Variants in BAHCC1 observed in about 807,000 individuals in gnomAD.
BAHCC1 encodes the protein BAH and coiled-coil domain-containing protein 1.
A neutral mutation model predicts 88.2 loss-of-function variants in BAHCC1; 43 were observed. The observed-to-expected ratio is 0.49, with a 90% confidence interval of 0.38 to 0.63. The LOEUF is 0.63. BAHCC1 is among the 20% of genes least tolerant of loss of function. The pLI is 0.00. For missense variants in BAHCC1, 3,023 were observed against 1,654.8 expected (o/e 1.83, Z -14.34); for synonymous variants, 1,510 against 745.5 (o/e 2.03, Z -16.71).
chr17:81,460,304 T>C lies in BAHCC1; in HGVS notation c.5933T>C (p.Leu1978Pro), dbSNP rs1555658734. Residue 1978 changes from leucine (L) to proline (P), a missense_variant, in exon 24 of 28, where the codon CTG becomes CCG. By Grantham distance (98) the Leu-to-Pro change is moderately conservative. Coordinates refer to ENST00000675386, the MANE Select transcript of BAHCC1 (RefSeq NM_001377448.1). ...GCCTCCGGTGACGAAGATGAGGACC[T>C]GGACTCAGTAGTGGTGGAATTTGAC... ...RGASGDEDED[L>P]DSVVVEFDDG... 2 of 775,908 alleles carry C rather than the reference T, an allele frequency of 2.6e-6. No homozygotes were observed. The highest frequency in any genetic ancestry group is 2.4e-5 in the East Asian group (1 of 41,086). 48.1% of individuals were successfully genotyped at this position (775,908 alleles called of 1,614,324 possible). A position where few individuals can be genotyped will look rare whatever the true frequency, so the allele number is the denominator to read the frequency against.
At chr17:81,427,653 C>T (rs1272707327) in intron 3 of BAHCC1, among the ~76,000 whole-genome samples, 3 of 152,350 alleles carry the variant, frequency 2.0e-5, no homozygotes, top group Admixed American at 2.0e-4. Context: ...CCTGGGCCCC[C>T]ATGTCCTTGG....
rs1033684900 is a variant in BAHCC1 at position 81,414,653 on chromosome 17, G to T, written c.179-12147G>T. On this transcript the variant is annotated intron_variant, in intron 2 of 27. Transcript: ENST00000675386. ...AGATGAACGTGTGTGTCGTGAGGAC[G>T]TGGGTCCGTGCGGCAGGAGCGCTGG... Among the ~76,000 whole-genome samples, 4 of 152,224 alleles carry T rather than the reference G, an allele frequency of 2.6e-5. No individual in the cohort carries two copies. In the South Asian group the frequency reaches 8.3e-4, roughly 31 times the overall value.
intron 1 of BAHCC1, among the ~76,000 whole-genome samples, chr17:81,397,328 C>T (rs1223305743): frequency 6.6e-6 from 1 of 151,784 alleles, no homozygotes; most frequent in Non-Finnish European, 1.5e-5. Context: ...TGCTTCGTAG[C>T]CGAGCCCGCG....
At chr17:81,418,985 T>A (rs1252832941) in intron 2 of BAHCC1, among the ~76,000 whole-genome samples, 1 of 152,096 alleles carries the variant, frequency 6.6e-6, no homozygotes, top group Admixed American at 6.5e-5. Context: ...TGTGCAAGTG[T>A]GAGTGTGTGC....
intron 2 of BAHCC1, among the ~76,000 whole-genome samples, chr17:81,416,444 G>C (rs1224401474): frequency 1.2e-4 from 1 of 8,396 alleles, no homozygotes; most frequent in Non-Finnish European, 2.9e-4. Flanking sequence ...ATGTGCGTGT[G>C]TGTGTGTCCA....
At position 81,399,993 on chromosome 17, in the gene BAHCC1, G is replaced by A; in HGVS notation, c.178+76G>A. 1 of 1,181,528 alleles carries A rather than the reference G, an allele frequency of 8.5e-7. No individual in the cohort carries two copies. The highest frequency in any genetic ancestry group is 1.1e-6 in the Non-Finnish European group (1 of 930,252). 73.2% of individuals were successfully genotyped at this position (1,181,528 alleles called of 1,614,324 possible). A position where few individuals can be genotyped will look rare whatever the true frequency, so the allele number is the denominator to read the frequency against. On this transcript the variant is annotated intron_variant, in intron 2 of 27. Transcript: ENST00000675386. The surrounding 1 kb of genome is among the most constrained non-coding windows in gnomAD (Gnocchi z 4.5). ...CAGGGCGCCCACCCCTCCGCTCCCG[G>A]GAGCAGAGAAGCTTTGGTTTCATTT...
rs544271459 is a variant in BAHCC1 at position 81,464,550 on chromosome 17, G to A, written c.*733G>A. On this transcript the variant is annotated 3_prime_UTR_variant, in exon 28 of 28. Coordinates refer to ENST00000675386, the MANE Select transcript of BAHCC1 (RefSeq NM_001377448.1). ...CTCCTAGAAAAGAAGTGTTGGAGCA[G>A]GGGGTGGTGATGAGGGGCCCGTGGG... The A allele has an allele frequency of 1.2e-4, 19 of 153,158 alleles. 1 individual carries two copies. Among genetic ancestry groups the A allele is most frequent in the Admixed American group, 1.2e-3 (19 of 15,406 alleles). 9.5% of individuals were successfully genotyped at this position (153,158 alleles called of 1,614,324 possible).
intron 2 of BAHCC1, among the ~76,000 whole-genome samples, chr17:81,421,255 G>A (rs180868209): frequency 6.6e-6 from 1 of 152,352 alleles, no homozygotes; most frequent in Non-Finnish European, 1.5e-5. Context: ...GGCCCACACG[G>A]TCTGGCCCTG....
chr17:81,451,997 C>T lies in BAHCC1; in HGVS notation c.4206C>T (p.Asp1402=). 1.6e-6 allele frequency: 1 copy of T among 633,946 alleles called. No homozygotes were observed. Among genetic ancestry groups the T allele is most frequent in the African/African-American group, 1.8e-5 (1 of 54,114 alleles). The allele number at this position is 633,946 out of a possible 1,614,324, so 39.3% of individuals were successfully genotyped here. The change falls in exon 13 of 28, where the codon GAC becomes GAT. Residue 1402 remains aspartate, a synonymous_variant. Transcript: ENST00000675386. The part of the protein sequence containing the change: ...KPVCPLKAAI[D]RLDTQEVGMR... ...TGTGCCCCCTGAAGGCCGCCATCGA[C>T]CGGCTGGACACGCAGGAGGTGGGGA...
Position 81,444,495 on chromosome 17 carries a change from C to T in BAHCC1, c.2439C>T (p.Pro813=), listed in dbSNP as rs1555653714. The change falls in exon 7 of 28, where the codon CCC becomes CCT. Residue 813 remains proline (P), a synonymous_variant. Coordinates refer to ENST00000675386, the MANE Select transcript of BAHCC1 (RefSeq NM_001377448.1). ...QSGQLGGDPA[P]HTHPHPPWLP... Reference sequence around the variant, plus strand: ...GCCAGCTGGGCGGGGACCCAGCCCCCCACACCCACCCCCATCCCCCCTGGC... The same window carrying T: ...GCCAGCTGGGCGGGGACCCAGCCCCTCACACCCACCCCCATCCCCCCTGGC... 3 of 705,490 alleles carry T rather than the reference C, an allele frequency of 4.3e-6. No individual in the cohort carries two copies. The highest frequency in any genetic ancestry group is 3.0e-5 in the South Asian group (2 of 66,764). The allele number at this position is 705,490 out of a possible 1,614,324, so 43.7% of individuals were successfully genotyped here.
chr17:81,429,537 CAG>C (rs1314108583), intron 3 of BAHCC1, among the ~76,000 whole-genome samples: 1 of 152,166 alleles, frequency 6.6e-6, no homozygotes, highest in Non-Finnish European at 1.5e-5. Context: ...GCTAGTTTGA[CAG>C]GGTGCCAGCT....
chr17:81,425,356 TA>T (rs2064170846), intron 2 of BAHCC1, among the ~76,000 whole-genome samples: 1 of 131,956 alleles, frequency 7.6e-6, no homozygotes, highest in Non-Finnish European at 1.6e-5. Flanking sequence ...TTGGTGGTGA[TA>T]GTGGTGGGTG....
At chr17:81,429,131 T>C (rs1236000047) in intron 3 of BAHCC1, among the ~76,000 whole-genome samples, 1 of 151,926 alleles carries the variant, frequency 6.6e-6, no homozygotes, top group Non-Finnish European at 1.5e-5. Flanking sequence ...CAGGTGGGGG[T>C]GGGCACGTGT....
Position 81,443,568 on chromosome 17 carries a change from C to T in BAHCC1, c.2215+4C>T, listed in dbSNP as rs1413033915. 21 of 637,508 alleles carry T rather than the reference C, an allele frequency of 3.3e-5. No homozygotes were observed. The highest frequency in any genetic ancestry group is 2.6e-4 in the Admixed American group (11 of 42,696). The allele number at this position is 637,508 out of a possible 1,614,324, so 39.5% of individuals were successfully genotyped here. Reference sequence around the variant, plus strand: ...CGGGCCGCCCCCGCCTTCAAAGGTACAGGCCCTGCACAGAGAGGGAGGCAG... The same window carrying T: ...CGGGCCGCCCCCGCCTTCAAAGGTATAGGCCCTGCACAGAGAGGGAGGCAG... On this transcript the variant is annotated splice_donor_region_variant and intron_variant, in intron 5 of 27. Transcript: ENST00000675386.
intron 2 of BAHCC1, among the ~76,000 whole-genome samples, chr17:81,419,973 G>A (rs1025549721): frequency 2.0e-5 from 3 of 152,178 alleles, no homozygotes; most frequent in Non-Finnish European, 4.4e-5. Flanking sequence ...ACAGGGCGGA[G>A]CAGGGTCAGC....
intron 3 of BAHCC1, among the ~76,000 whole-genome samples, chr17:81,433,077 G>T (rs946011478): frequency 2.0e-5 from 3 of 150,956 alleles, no homozygotes; most frequent in Non-Finnish European, 4.4e-5. Flanking sequence ...GGCCCGGCCC[G>T]CCCCTGAGGC....
At chr17:81,424,762 T>C (rs1598470801) in intron 2 of BAHCC1, among the ~76,000 whole-genome samples, 1 of 150,418 alleles carries the variant, frequency 6.6e-6, no homozygotes, top group South Asian at 2.1e-4. Flanking sequence ...TGGGGTGGTG[T>C]TGATGTGGTT....
At chr17:81,417,828 T>C (rs1351074320) in intron 2 of BAHCC1, among the ~76,000 whole-genome samples, 1 of 152,216 alleles carries the variant, frequency 6.6e-6, no homozygotes, top group Non-Finnish European at 1.5e-5. Flanking sequence ...GGTGACGTGC[T>C]CCTGTTCCTG....
At chr17:81,452,654 C>T in intron 13 of BAHCC1, 69 bp from the exon 14 acceptor site, 1 of 642,206 alleles carries the variant, frequency 1.6e-6, no homozygotes, top group Admixed American at 2.9e-5. Flanking sequence ...GGCCAATGCC[C>T]TCGGCTGGAA....
Sources: allele counts gnomAD v4.1 joint callset (sites outside exome capture counted in the v4.1 genomes callset), GRCh38; gene constraint gnomAD v4.1.1; non-coding constraint Gnocchi (gnomAD v3.1); transcripts MANE v1.5; gene names NCBI Gene and HGNC (gene_info 2026-07-23, HGNC 2026-07-21).